WDR44: variants seen among roughly 807,000 people sequenced by gnomAD.
WDR44 encodes WD repeat domain 44.
In WDR44, 9 loss-of-function variants were observed where a neutral mutation model predicts 65.7. The ratio of observed to expected loss-of-function variants is 0.14; its 90% CI spans 0.08 to 0.24. The LOEUF (loss-of-function observed/expected upper bound fraction) is 0.24, where lower values mean the gene tolerates loss of function less well. Among genes scored for constraint, WDR44 ranks in the 10% least tolerant of loss-of-function variants. The probability of loss-of-function intolerance (pLI) is 1.00; values close to 1 mark genes in which losing one functional copy is unlikely to be tolerated. For missense variants in WDR44, 425 were observed against 670.9 expected (o/e 0.63, Z 4.05); for synonymous variants, 220 against 235.2 (o/e 0.94, Z 0.59).
chrX:118,356,098 T>A (rs1489409296), intron 1 of WDR44, among the ~76,000 whole-genome samples: 2 of 112,205 alleles, frequency 1.8e-5, no homozygotes, highest in Non-Finnish European at 3.8e-5. Flanking sequence ...CATAACACCA[T>A]AATGCTAACT....
chrX:118,410,244 G>A, intron 11 of WDR44, among the ~76,000 whole-genome samples: 1 of 111,405 alleles, frequency 9.0e-6, no homozygotes. Context: ...AAGTAAGGCT[G>A]CAAACGAGAA....
intron 9 of WDR44, among the ~76,000 whole-genome samples, chrX:118,404,699 G>A (rs1356761317): frequency 9.0e-6 from 1 of 111,579 alleles, no homozygotes; most frequent in Non-Finnish European, 1.9e-5. Flanking sequence ...AGTTTCGTTT[G>A]TTTGTTTGTT....
At chrX:118,424,740 G>A (rs1026057084) in intron 12 of WDR44, among the ~76,000 whole-genome samples, 4 of 110,883 alleles carry the variant, frequency 3.6e-5, no homozygotes, top group African/African-American at 1.3e-4. Flanking sequence ...TTTGCTGCTG[G>A]TGCTTTTGGT....
rs1291682127 is a variant in WDR44 at position 118,381,500 on chromosome X, A to G, written c.111+3048A>G. ...AAAAAAAATTTAGAAAAGAACTCTG[A>G]TCTTTAAAATTTTGAAGCAGGATAT... On this transcript the variant is annotated intron_variant, in intron 2 of 19. Transcript: ENST00000254029. 2.7e-5 allele frequency among the ~76,000 whole-genome samples: 3 copies of G among 110,122 alleles called. No individual in the cohort carries two copies. The East Asian group carries it at 8.6e-4, about 31-fold the overall frequency.
intron 1 of WDR44, among the ~76,000 whole-genome samples, chrX:118,374,242 A>C (rs1242650516): frequency 9.0e-6 from 1 of 111,556 alleles, no homozygotes; most frequent in Non-Finnish European, 1.9e-5. Context: ...ATAATACTAA[A>C]TAATGTTTTT....
chrX:118,354,406 A>G (rs1177712414), intron 1 of WDR44, among the ~76,000 whole-genome samples: 1 of 99,966 alleles, frequency 1.0e-5, no homozygotes, highest in African/African-American at 4.3e-5. Flanking sequence ...CGATGGAGCC[A>G]GACTCTGTCT....
At chrX:118,363,361 G>A (rs776415686) in intron 1 of WDR44, among the ~76,000 whole-genome samples, 1 of 97,558 alleles carries the variant, frequency 1.0e-5, no homozygotes, top group Admixed American at 1.2e-4. Context: ...AGATCGTGCC[G>A]TTGTACTCCA....
chrX:118,378,601 G>A (rs1199270280), intron 2 of WDR44, 149 bp downstream of exon 2: 2 of 439,847 alleles, frequency 4.5e-6, no homozygotes, highest in African/African-American at 5.0e-5. Context: ...GGTATACATA[G>A]GTACTCTAGA....
At chrX:118,433,702 T>C (rs1254663698) in intron 13 of WDR44, among the ~76,000 whole-genome samples, 2 of 111,848 alleles carry the variant, frequency 1.8e-5, no homozygotes, top group South Asian at 3.7e-4. Flanking sequence ...ATAATAAATG[T>C]TCAATTAATA....
Position 118,436,842 on chromosome X carries a change from C to T in WDR44, c.1974+18C>T. The T allele has an allele frequency of 1.7e-6, 2 of 1,151,197 alleles. No individual in the cohort carries two copies. The highest frequency in any genetic ancestry group is 1.2e-6 in the Non-Finnish European group (1 of 864,584). The allele number at this position is 1,151,197 out of a possible 1,213,427, so 94.9% of individuals were successfully genotyped here. On this transcript the variant is annotated intron_variant, in intron 14 of 19. Transcript: ENST00000254029. ...ATCCAAGAGTAAGTAACTATTTATA[C>T]ATGTTTTTGTTAACCTCTAAGGAAG...
At chrX:118,390,830 T>A (rs1357738347) in intron 3 of WDR44, among the ~76,000 whole-genome samples, 5 of 112,357 alleles carry the variant, frequency 4.5e-5, no homozygotes, top group Non-Finnish European at 9.4e-5. Context: ...CACTGAAGAT[T>A]TAGTATTCTT....
intron 2 of WDR44, among the ~76,000 whole-genome samples, chrX:118,383,144 T>A (rs1412567887): frequency 8.9e-6 from 1 of 112,225 alleles, no homozygotes; most frequent in East Asian, 2.8e-4. Flanking sequence ...TCCTTTAAAC[T>A]TGTGACTTAA....
At chrX:118,411,782 A>G (rs766059982) in intron 12 of WDR44, among the ~76,000 whole-genome samples, 47 of 112,196 alleles carry the variant, frequency 4.2e-4, no homozygotes, top group Non-Finnish European at 4.3e-4. Context: ...TAACTTTATG[A>G]TTTTTAAACA....
intron 1 of WDR44, among the ~76,000 whole-genome samples, chrX:118,371,824 G>A (rs1356085185): frequency 3.6e-5 from 4 of 110,623 alleles, no homozygotes; most frequent in African/African-American, 1.3e-4. Flanking sequence ...TAACTTCAGA[G>A]TTTTCTGAAA....
At chrX:118,351,262 A>G (rs758634248) in intron 1 of WDR44, among the ~76,000 whole-genome samples, 2 of 112,393 alleles carry the variant, frequency 1.8e-5, no homozygotes, top group Non-Finnish European at 3.8e-5. Flanking sequence ...ATATTCAGAT[A>G]GGAATAATGA....
chrX:118,430,089 G>C (rs1276735027), intron 12 of WDR44, among the ~76,000 whole-genome samples: 1 of 111,599 alleles, frequency 9.0e-6, no homozygotes, highest in Non-Finnish European at 1.9e-5. Flanking sequence ...ATAATAGGAA[G>C]ATTGGTAAAT....
chrX:118,443,730 G>A (rs1373921585), intron 18 of WDR44, 43 bp downstream of exon 18: 2 of 1,154,389 alleles, frequency 1.7e-6, no homozygotes, highest in Admixed American at 2.3e-5. Context: ...AGAGAATCAA[G>A]TTACAGTGGA....
chrX:118,390,908 A>G (rs1397329949), intron 3 of WDR44, among the ~76,000 whole-genome samples: 1 of 112,224 alleles, frequency 8.9e-6, no homozygotes, highest in Admixed American at 9.5e-5. Flanking sequence ...CCTGGATTTC[A>G]GTTTTGGCTT....
chrX:118,378,631 T>A (rs371259444), intron 2 of WDR44, among the ~76,000 whole-genome samples, 179 bp downstream of exon 2: 1 of 110,935 alleles, frequency 9.0e-6, no homozygotes, highest in Admixed American at 9.7e-5. Context: ...CTAAATATTA[T>A]GCTGTAAAGA....
Sources: gnomAD v4.1 joint callset for allele counts (sites outside exome capture counted in the v4.1 genomes callset) on GRCh38, gnomAD v4.1.1 for gene constraint, MANE v1.5 for transcripts, NCBI Gene and HGNC (gene_info 2026-07-23, HGNC 2026-07-21) for gene names.